COL4A4: variants seen among roughly 807,000 people sequenced by gnomAD.
COL4A4 encodes collagen alpha-4(IV) chain.
A neutral mutation model predicts 192.9 loss-of-function variants in COL4A4; 105 were observed. The observed-to-expected ratio is 0.54, with a 90% CI of 0.46 to 0.64. COL4A4 has a LOEUF of 0.64. Among genes scored for constraint, COL4A4 ranks in the 30% least tolerant of loss-of-function variants. The probability of loss-of-function intolerance (pLI) is 0.00; values close to 1 mark genes in which losing one functional copy is unlikely to be tolerated. For synonymous variants in COL4A4, 762 were observed against 769.9 expected (o/e 0.99, Z 0.17); for missense variants, 1,967 against 2,169.3 (o/e 0.91, Z 1.85).
intron 19 of COL4A4, among the ~76,000 whole-genome samples, chr2:227,094,838 A>G (rs1416615910): frequency 1.3e-5 from 2 of 152,208 alleles, no homozygotes; most frequent in African/African-American, 2.4e-5. Flanking sequence ...CAATTTTTAT[A>G]TGTCAGTGAT....
chr2:227,057,642 CTA>C (rs1559516091), intron 28 of COL4A4, 42 bp from the exon 29 acceptor site: 1 of 1,598,666 alleles, frequency 6.3e-7, no homozygotes, highest in South Asian at 1.1e-5. Flanking sequence ...TGACAAAAAA[CTA>C]TACAGATGGC....
downstream of COL4A4, among the ~76,000 whole-genome samples, chr2:227,002,500 CT>C (rs1961237378): frequency 1.3e-5 from 2 of 152,226 alleles, no homozygotes; most frequent in Non-Finnish European, 2.9e-5. Context: ...GACCTTCCCC[CT>C]GAGGCCTGCT....
intron 37 of COL4A4, among the ~76,000 whole-genome samples, chr2:227,039,641 G>C (rs746023302): frequency 2.2e-4 from 34 of 152,106 alleles, no homozygotes; most frequent in Non-Finnish European, 4.0e-4. Context: ...TTACTAAACT[G>C]GGAGGGTAGG....
chr2:226,986,806 T>A, the COL4A4 span, among the ~76,000 whole-genome samples: 1 of 152,182 alleles, frequency 6.6e-6, no homozygotes, highest in African/African-American at 2.4e-5. Flanking sequence ...GAAATACCAT[T>A]TGACTCAGCA....
chr2:227,088,317 G>A (rs778035747), intron 22 of COL4A4, among the ~76,000 whole-genome samples: 39 of 152,142 alleles, frequency 2.6e-4, no homozygotes, highest in Admixed American at 3.9e-4. Flanking sequence ...TGTGTTGAGG[G>A]AGGGACCTGG....
chr2:226,972,942 A>AAC, the COL4A4 span, among the ~76,000 whole-genome samples: 4 of 151,778 alleles, frequency 2.6e-5, no homozygotes, highest in African/African-American at 9.7e-5. Flanking sequence ...AAAAAAAAAA[A>AAC]AAACAAAAAA....
chr2:227,012,883 T>C (rs1175248198), intron 44 of COL4A4, among the ~76,000 whole-genome samples: 1 of 152,190 alleles, frequency 6.6e-6, no homozygotes, highest in Admixed American at 6.5e-5. Context: ...TCAGCAGCCA[T>C]ATGACTAGGT....
chr2:227,096,121 A>T (rs909335555), intron 19 of COL4A4, among the ~76,000 whole-genome samples: 9 of 152,192 alleles, frequency 5.9e-5, no homozygotes, highest in African/African-American at 1.9e-4. Flanking sequence ...TGAGGCCATT[A>T]GAAAAGATGA....
chr2:227,074,418 G>A (rs1410591826), intron 25 of COL4A4, among the ~76,000 whole-genome samples: 3 of 152,132 alleles, frequency 2.0e-5, no homozygotes, highest in African/African-American at 7.2e-5. Context: ...TGGCATGGAT[G>A]TGGAGAAAAG....
At chr2:227,039,701 T>C (rs1270704779) in intron 37 of COL4A4, among the ~76,000 whole-genome samples, 7 of 152,170 alleles carry the variant, frequency 4.6e-5, no homozygotes, top group Admixed American at 4.6e-4. Context: ...TGACAAATGT[T>C]TTCTTTTGGT....
chr2:227,026,172 A>G (rs923838547), intron 42 of COL4A4, among the ~76,000 whole-genome samples: 103 of 152,166 alleles, frequency 6.8e-4, no homozygotes, highest in African/African-American at 2.4e-3. Flanking sequence ...TTTGCCAAGT[A>G]TAGGGTATGC....
the COL4A4 span, chr2:226,995,369 T>G: frequency 3.0e-6 from 3 of 1,006,414 alleles, no homozygotes; most frequent in South Asian, 4.0e-5. Flanking sequence ...CTTGGAATCC[T>G]AGGGTACACA....
chr2:226,993,286 G>A, the COL4A4 span, among the ~76,000 whole-genome samples: 1 of 152,328 alleles, frequency 6.6e-6, no homozygotes, highest in Non-Finnish European at 1.5e-5. Context: ...GCCTCCATGG[G>A]TTTCTGCCCT....
chr2:227,108,010 C>G (rs1015519520), intron 12 of COL4A4, among the ~76,000 whole-genome samples: 4 of 152,136 alleles, frequency 2.6e-5, no homozygotes, highest in Non-Finnish European at 5.9e-5. Flanking sequence ...CCCGCCTCAG[C>G]CTCCCAAAGT....
At chr2:227,082,308 A>G in intron 22 of COL4A4, 121 bp from the exon 23 acceptor site, 1 of 949,988 alleles carries the variant, frequency 1.1e-6, no homozygotes, top group Non-Finnish European at 1.7e-6. Flanking sequence ...CTAGCTTGGC[A>G]TTCTTGGTCT....
At chr2:227,157,010 A>C (rs2064405944) in intron 1 of COL4A4, among the ~76,000 whole-genome samples, 1 of 152,198 alleles carries the variant, frequency 6.6e-6, no homozygotes, top group South Asian at 2.1e-4. Context: ...CTAGGACACT[A>C]TACCAAGCCA....
intron 8 of COL4A4, 80 bp downstream of exon 8, chr2:227,114,548 A>G (rs771741271): frequency 1.8e-6 from 2 of 1,123,942 alleles, no homozygotes; most frequent in African/African-American, 1.5e-5. Flanking sequence ...TTGAAGAAAA[A>G]TCCTGTCTGA....
intron 1 of COL4A4, among the ~76,000 whole-genome samples, chr2:227,162,234 T>C (rs1015140624): frequency 6.6e-6 from 1 of 152,184 alleles, no homozygotes; most frequent in African/African-American, 2.4e-5. Flanking sequence ...TGACTTGCAG[T>C]TGACTATTAC....
Position 227,004,321 on chromosome 2 carries a change from C to T in COL4A4, c.*3004G>A, listed in dbSNP as rs1424361508. 1 of 152,402 alleles carries T rather than the reference C, an allele frequency of 6.6e-6. No individual in the cohort carries two copies. The highest frequency in any genetic ancestry group is 2.4e-5 in the African/African-American group (1 of 41,458). The allele number at this position is 152,402 out of a possible 1,614,324, so 9.4% of individuals were successfully genotyped here. A position where few individuals can be genotyped will look rare whatever the true frequency, so the allele number is the denominator to read the frequency against. ...GGTAAACTGACCCCAGGGAGGACATCACTGGTGAAGCAGGAGCAAAGTCGA... is the reference window on the plus strand; with the variant it reads ...GGTAAACTGACCCCAGGGAGGACATTACTGGTGAAGCAGGAGCAAAGTCGA... On this transcript the variant is annotated 3_prime_UTR_variant, in exon 48 of 48. Transcript: ENST00000396625.
Sources: gnomAD v4.1 joint callset for allele counts (sites outside exome capture counted in the v4.1 genomes callset) on GRCh38, gnomAD v4.1.1 for gene constraint, MANE v1.5 for transcripts, NCBI Gene and HGNC (gene_info 2026-07-23, HGNC 2026-07-21) for gene names.